The following GALNT17 variants were observed in gnomAD, a reference collection of about 807,000 sequenced individuals.
GALNT17 encodes the protein polypeptide N-acetylgalactosaminyltransferase 17, also known as UDP-GalNAc:polypeptide N-acetylgalactosaminyltransferase-like 3.
A neutral mutation model predicts 63.7 loss-of-function variants in GALNT17; 29 were observed. The observed-to-expected ratio is 0.46, with a 90% CI of 0.34 to 0.62. The LOEUF (loss-of-function observed/expected upper bound fraction) is 0.62. GALNT17 is among the 20% of genes least tolerant of loss of function. GALNT17 has a pLI of 0.01. For synonymous variants in GALNT17, 305 were observed against 318.3 expected, an observed-to-expected ratio of 0.96 and a Z score of 0.45; for missense variants, 603 against 799.6, an observed-to-expected ratio of 0.75 and a Z score of 2.97.
intron 9 of GALNT17, among the ~76,000 whole-genome samples, chr7:71,700,593 T>G (rs1365043477): frequency 1.3e-5 from 2 of 152,156 alleles, no homozygotes; most frequent in Admixed American, 1.3e-4. Context: ...TGGTGAAAGC[T>G]ATGCTTGGGT....
intron 1 of GALNT17, among the ~76,000 whole-genome samples, chr7:71,151,913 T>A (rs958647289): frequency 6.6e-6 from 1 of 152,200 alleles, no homozygotes; most frequent in Non-Finnish European, 1.5e-5. Context: ...TGATTTTTGC[T>A]GCCACCGAAT....
At chr7:71,199,177 G>C (rs1056932006) in intron 1 of GALNT17, among the ~76,000 whole-genome samples, 1 of 152,076 alleles carries the variant, frequency 6.6e-6, no homozygotes, top group African/African-American at 2.4e-5. Flanking sequence ...TGGCCAAGGG[G>C]GTGGCTAAAG....
chr7:71,524,354 T>C (rs992858093), intron 5 of GALNT17, among the ~76,000 whole-genome samples: 1 of 150,372 alleles, frequency 6.7e-6, no homozygotes, highest in African/African-American at 2.4e-5. Flanking sequence ...TAAATAGTAA[T>C]ATACTATTAC....
At chr7:71,284,586 C>G (rs1043460184) in intron 1 of GALNT17, 2 of 152,058 alleles carry the variant, frequency 1.3e-5, no homozygotes, top group Non-Finnish European at 2.9e-5. Flanking sequence ...GTTTGCTTTT[C>G]CCTCCGCCAT....
intron 1 of GALNT17, among the ~76,000 whole-genome samples, chr7:71,199,435 A>G (rs1789120236): frequency 1.3e-5 from 2 of 151,864 alleles, no homozygotes; most frequent in South Asian, 4.2e-4. Flanking sequence ...CCACTCACCT[A>G]CTCATCCATT....
At chr7:71,657,493 C>G (rs1002070669) in intron 6 of GALNT17, among the ~76,000 whole-genome samples, 1 of 152,130 alleles carries the variant, frequency 6.6e-6, no homozygotes, top group Non-Finnish European at 1.5e-5. Context: ...TGCCTAGGCT[C>G]CTCAGTGACA....
chr7:71,664,266 A>G (rs1280076139), intron 6 of GALNT17, among the ~76,000 whole-genome samples: 1 of 152,192 alleles, frequency 6.6e-6, no homozygotes, highest in African/African-American at 2.4e-5. Context: ...GGATGCTTCC[A>G]GAAGGCTTGG....
intron 2 of GALNT17, among the ~76,000 whole-genome samples, chr7:71,344,580 G>A (rs2116142449): frequency 6.6e-6 from 1 of 152,216 alleles, no homozygotes; most frequent in East Asian, 1.9e-4. Context: ...AATGATAACT[G>A]TGGCAGAAAT....
chr7:71,199,804 A>G (rs1789133404), intron 1 of GALNT17, among the ~76,000 whole-genome samples: 2 of 151,356 alleles, frequency 1.3e-5, no homozygotes, highest in South Asian at 2.1e-4. Context: ...ATATTCATCC[A>G]TCATCCATCC....
chr7:71,507,866 C>T (rs1362105387), intron 5 of GALNT17, among the ~76,000 whole-genome samples: 3 of 152,148 alleles, frequency 2.0e-5, no homozygotes, highest in Non-Finnish European at 2.9e-5. Context: ...AAGTTCCCCA[C>T]GCCTCAGATC....
At position 71,234,330 on chromosome 7, in the gene GALNT17, C is replaced by T. The variant is rs192316738; in HGVS notation, c.239-101220C>T. ...AGGCTGGAGTGCAGTGGCGCAATCT[C>T]GGCTCACTGCTACCTCTGCCTCCCA... On this transcript the variant is annotated intron_variant, in intron 1 of 10. Coordinates refer to ENST00000333538, the MANE Select transcript of GALNT17 (RefSeq NM_022479.3). Among the ~76,000 whole-genome samples, 67 of 152,204 alleles carry T rather than the reference C, an allele frequency of 4.4e-4. No homozygotes were observed. The East Asian group carries it at 0.011, about 26-fold the overall frequency.
At chr7:71,445,181 T>G (rs1191911756) in intron 5 of GALNT17, among the ~76,000 whole-genome samples, 1 of 138,554 alleles carries the variant, frequency 7.2e-6, no homozygotes, top group Non-Finnish European at 1.5e-5. Context: ...CTTTCTTTCT[T>G]TTTTTTTTTT....
chr7:71,698,376 C>T (rs967374771), intron 9 of GALNT17, among the ~76,000 whole-genome samples: 5 of 152,038 alleles, frequency 3.3e-5, no homozygotes, highest in Non-Finnish European at 5.9e-5. Flanking sequence ...TCTATGCAAA[C>T]ATTTATTGCA....
At chr7:71,185,522 C>CTTTTTTT (rs747181057) in intron 1 of GALNT17, among the ~76,000 whole-genome samples, 1 of 124,638 alleles carries the variant, frequency 8.0e-6, no homozygotes, top group African/African-American at 3.1e-5. Context: ...CGTTTCTTTT[C>CTTTTTTT]TTTTTTTTTT....
intron 5 of GALNT17, among the ~76,000 whole-genome samples, chr7:71,497,894 A>G (rs567472082): frequency 6.6e-6 from 1 of 152,240 alleles, no homozygotes; most frequent in African/African-American, 2.4e-5. Flanking sequence ...AGAAACAAGA[A>G]CATCCACAAT....
chr7:71,250,815 T>C (rs1033179493), intron 1 of GALNT17, among the ~76,000 whole-genome samples: 2 of 152,216 alleles, frequency 1.3e-5, no homozygotes, highest in Non-Finnish European at 2.9e-5. Flanking sequence ...CCCTTTTCCC[T>C]GAGCACAGCA....
At chr7:71,667,594 T>A (rs1791003812) in intron 7 of GALNT17, among the ~76,000 whole-genome samples, 1 of 152,010 alleles carries the variant, frequency 6.6e-6, no homozygotes, top group Non-Finnish European at 1.5e-5. Context: ...ATATTAAGAG[T>A]TCCATAAATG....
At chr7:71,405,862 G>A (rs993959197) in intron 3 of GALNT17, among the ~76,000 whole-genome samples, 1 of 152,132 alleles carries the variant, frequency 6.6e-6, no homozygotes, top group Non-Finnish European at 1.5e-5. Context: ...CATGAATTTT[G>A]AGGGAACACA....
At chr7:71,546,735 G>A (rs1285443765) in intron 5 of GALNT17, among the ~76,000 whole-genome samples, 1 of 152,148 alleles carries the variant, frequency 6.6e-6, no homozygotes, top group East Asian at 1.9e-4. Flanking sequence ...GAAGTTCATG[G>A]CCTTGGACCT....
Sources: gnomAD v4.1 joint callset for allele counts (sites outside exome capture counted in the v4.1 genomes callset) on GRCh38, gnomAD v4.1.1 for gene constraint, MANE v1.5 for transcripts, NCBI Gene and HGNC (gene_info 2026-07-23, HGNC 2026-07-21) for gene names.